The following PSTPIP2 variants were observed in gnomAD, a reference collection of about 807,000 sequenced individuals.
PSTPIP2 encodes the protein proline-serine-threonine phosphatase interacting protein 2.
Under a neutral mutation model 63.3 loss-of-function variants are expected in PSTPIP2, and 33 were observed. That is an observed-to-expected ratio of 0.52 (90% CI 0.40 to 0.70). The LOEUF (loss-of-function observed/expected upper bound fraction) is 0.70, where lower values mean the gene tolerates loss of function less well. Among genes scored for constraint, PSTPIP2 ranks in the 30% least tolerant of loss-of-function variants. PSTPIP2 has a pLI of 0.00. For synonymous variants in PSTPIP2, 125 were observed against 132.7 expected (o/e 0.94, Z 0.40); for missense variants, 312 against 400.7 (o/e 0.78, Z 1.89).
At chr18:45,991,290 G>T (rs112748553) in intron 12 of PSTPIP2, among the ~76,000 whole-genome samples, 2 of 152,262 alleles carry the variant, frequency 1.3e-5, no homozygotes, top group African/African-American at 4.8e-5. Context: ...CTTTCCGCAG[G>T]ATCCTTTACA....
intron 1 of PSTPIP2, among the ~76,000 whole-genome samples, chr18:46,066,871 C>CA (rs1459970638): frequency 6.6e-6 from 1 of 151,704 alleles, no homozygotes; most frequent in African/African-American, 2.4e-5. Flanking sequence ...ACTAAAAATA[C>CA]AAAAAATTAG....
intron 3 of PSTPIP2, among the ~76,000 whole-genome samples, chr18:46,024,258 C>G (rs1344245984): frequency 6.6e-6 from 1 of 152,024 alleles, no homozygotes; most frequent in East Asian, 1.9e-4. Flanking sequence ...CCACCTCAGT[C>G]TCCCAAGTAG....
At chr18:45,990,692 A>G (rs1157523453) in intron 13 of PSTPIP2, 30 bp downstream of exon 13, 1 of 1,575,530 alleles carries the variant, frequency 6.3e-7, no homozygotes. Context: ...GCAATATAAG[A>G]ATTTCAAAAG....
intron 2 of PSTPIP2, among the ~76,000 whole-genome samples, chr18:46,032,389 C>G (rs1159655126): frequency 6.6e-6 from 1 of 152,124 alleles, no homozygotes; most frequent in Non-Finnish European, 1.5e-5. Context: ...TTAAAAACCC[C>G]AACTCCCTTT....
At chr18:46,036,214 AATT>A (rs1159810050) in intron 2 of PSTPIP2, among the ~76,000 whole-genome samples, 10 of 150,978 alleles carry the variant, frequency 6.6e-5, no homozygotes, top group Non-Finnish European at 1.3e-4. Flanking sequence ...AGTTATGAAC[AATT>A]ATTGTAACAA....
intron 5 of PSTPIP2, among the ~76,000 whole-genome samples, chr18:46,007,830 T>C (rs1393416310): frequency 6.6e-6 from 1 of 152,178 alleles, no homozygotes; most frequent in Non-Finnish European, 1.5e-5. Context: ...TGAAACTTGG[T>C]AGGAATCTAG....
intron 1 of PSTPIP2, among the ~76,000 whole-genome samples, chr18:46,064,652 G>A (rs993904996): frequency 6.6e-6 from 1 of 151,854 alleles, no homozygotes; most frequent in Admixed American, 6.6e-5. Flanking sequence ...AACACAGTGA[G>A]AATGTGGGAG....
intron 1 of PSTPIP2, among the ~76,000 whole-genome samples, chr18:46,063,108 T>G (rs912143902): frequency 6.6e-6 from 1 of 152,202 alleles, no homozygotes; most frequent in African/African-American, 2.4e-5. Flanking sequence ...ACTCAAGTGA[T>G]CCTTCTGCCT....
intron 4 of PSTPIP2, among the ~76,000 whole-genome samples, chr18:46,013,273 G>A (rs1041155488): frequency 2.6e-5 from 4 of 152,146 alleles, no homozygotes; most frequent in Non-Finnish European, 5.9e-5. Flanking sequence ...ATTCATTGAT[G>A]AGTTACGGAG....
At chr18:46,017,241 C>T (rs1599717408) in intron 3 of PSTPIP2, among the ~76,000 whole-genome samples, 1 of 152,130 alleles carries the variant, frequency 6.6e-6, no homozygotes, top group Non-Finnish European at 1.5e-5. Flanking sequence ...TCTCTGGCTT[C>T]ATCATTGCTA....
chr18:46,039,828 T>C, intron 2 of PSTPIP2, 119 bp downstream of exon 2: 1 of 844,836 alleles, frequency 1.2e-6, no homozygotes, highest in Non-Finnish European at 2.0e-6. Flanking sequence ...TTCCATAACC[T>C]AGAGCAGAGA....
intron 2 of PSTPIP2, among the ~76,000 whole-genome samples, chr18:46,038,424 C>T (rs1319160868): frequency 6.6e-6 from 1 of 152,182 alleles, no homozygotes; most frequent in Non-Finnish European, 1.5e-5. Context: ...CCGACAGACA[C>T]TTCCTTCCTC....
intron 2 of PSTPIP2, among the ~76,000 whole-genome samples, chr18:46,030,031 C>T (rs771465557): frequency 3.3e-5 from 5 of 152,032 alleles, no homozygotes; most frequent in Non-Finnish European, 7.4e-5. Context: ...GGAGAATCAC[C>T]TGAACCCAGG....
At chr18:46,067,583 C>T (rs540625123) in intron 1 of PSTPIP2, among the ~76,000 whole-genome samples, 6 of 151,876 alleles carry the variant, frequency 4.0e-5, no homozygotes, top group Admixed American at 6.6e-5. Context: ...GTAAACAAAC[C>T]GTAACCTAAC....
At chr18:46,029,708 C>T in intron 2 of PSTPIP2, 1 of 684,576 alleles carries the variant, frequency 1.5e-6, no homozygotes, top group Non-Finnish European at 2.7e-6. Context: ...ATTGGTTCAT[C>T]TTCCTTCCTG....
intron 1 of PSTPIP2, among the ~76,000 whole-genome samples, chr18:46,059,028 CTTTTTTTCTTTTTCT>C (rs1908886246): frequency 8.0e-6 from 1 of 124,464 alleles, no homozygotes; most frequent in Non-Finnish European, 1.7e-5. Flanking sequence ...CTTTTTTTTT[CTTTTTTTCTTTTTCT>C]TTTTTTTTTG....
chr18:45,998,898 T>C, intron 7 of PSTPIP2, 59 bp from the exon 8 acceptor site: 1 of 1,584,438 alleles, frequency 6.3e-7, no homozygotes, highest in Non-Finnish European at 8.7e-7. Flanking sequence ...TGGACGAGGC[T>C]TCCACAGGCA....
chr18:46,058,419 C>T (rs775123907), intron 1 of PSTPIP2, among the ~76,000 whole-genome samples: 4 of 151,970 alleles, frequency 2.6e-5, no homozygotes, highest in Admixed American at 6.6e-5. Flanking sequence ...TGTAGTAGCA[C>T]GATCTCGGCT....
chr18:46,041,397 C>T (rs1568226621), intron 1 of PSTPIP2, among the ~76,000 whole-genome samples: 1 of 152,094 alleles, frequency 6.6e-6, no homozygotes, highest in Non-Finnish European at 1.5e-5. Flanking sequence ...CAGGGACATG[C>T]CACCATACCC....
Sources: gnomAD v4.1 joint callset for allele counts (sites outside exome capture counted in the v4.1 genomes callset) on GRCh38, gnomAD v4.1.1 for gene constraint, MANE v1.5 for transcripts, NCBI Gene and HGNC (gene_info 2026-07-23, HGNC 2026-07-21) for gene names.